The following TNS3 variants were observed in gnomAD, a reference collection of about 807,000 sequenced individuals.
TNS3 encodes tensin-3.
TNS3 carries 45 observed loss-of-function variants against 140.9 expected under a neutral mutation model. The observed-to-expected ratio is 0.32, with a 90% CI of 0.25 to 0.41. TNS3 has a LOEUF of 0.41. Among genes scored for constraint, TNS3 ranks in the 10% least tolerant of loss-of-function variants. TNS3 has a pLI of 1.00. For missense variants in TNS3, 1,716 were observed against 1,906.7 expected (o/e 0.90, Z 1.86); for synonymous variants, 815 against 788.4 (o/e 1.03, Z -0.56).
chr7:47,372,002 T>A (rs567240774), intron 16 of TNS3, among the ~76,000 whole-genome samples: 27 of 152,358 alleles, frequency 1.8e-4, no homozygotes, highest in African/African-American at 6.5e-4. Context: ...AGGCCCTGAG[T>A]AAACATCAAT....
intron 1 of TNS3, among the ~76,000 whole-genome samples, chr7:47,576,716 C>T (rs904443521): frequency 1.3e-5 from 2 of 152,236 alleles, no homozygotes; most frequent in Admixed American, 1.3e-4. Context: ...GCCCGCCTGC[C>T]CTGCACAGCC....
intron 16 of TNS3, among the ~76,000 whole-genome samples, chr7:47,380,896 C>A (rs920721704): frequency 9.2e-5 from 14 of 152,330 alleles, no homozygotes; most frequent in African/African-American, 3.4e-4. Context: ...CAGTGGCATG[C>A]CAGAGGAGGG....
intron 27 of TNS3, among the ~76,000 whole-genome samples, chr7:47,285,183 G>A (rs1323686909): frequency 6.6e-6 from 1 of 152,208 alleles, no homozygotes; most frequent in Non-Finnish European, 1.5e-5. Context: ...AGGGTGACTT[G>A]TGAGTTGCTG....
At chr7:47,427,161 G>C (rs151021373) in intron 9 of TNS3, among the ~76,000 whole-genome samples, 3 of 150,216 alleles carry the variant, frequency 2.0e-5, no homozygotes, top group African/African-American at 7.3e-5. Context: ...GTGCTCAGGT[G>C]GTCTCTGTCC....
At chr7:47,284,571 T>C (rs1285572812) in intron 27 of TNS3, among the ~76,000 whole-genome samples, 2 of 152,184 alleles carry the variant, frequency 1.3e-5, no homozygotes, top group Admixed American at 1.3e-4. Context: ...CGTGTGACTT[T>C]GGGGCATGGG....
intron 26 of TNS3, among the ~76,000 whole-genome samples, chr7:47,292,259 G>A (rs533190841): frequency 1.3e-5 from 2 of 152,228 alleles, no homozygotes; most frequent in East Asian, 1.9e-4. Context: ...TCTAATCACC[G>A]AATTAGTCAT....
chr7:47,402,305 G>A (rs1234578706), intron 13 of TNS3, among the ~76,000 whole-genome samples: 1 of 152,200 alleles, frequency 6.6e-6, no homozygotes, highest in Non-Finnish European at 1.5e-5. Context: ...TCCCTTGTAC[G>A]GCCTGGCGCT....
rs529197198 is a variant in TNS3 at position 47,449,308 on chromosome 7, G to A, written c.-75-7253C>T. Among the ~76,000 whole-genome samples, 107 of 152,324 alleles carry A rather than the reference G, an allele frequency of 7.0e-4. 2 individuals are homozygous for A. Among genetic ancestry groups the A allele is most frequent in the African/African-American group, 2.5e-3 (105 of 41,580 alleles). ...TTCACTGACGTCCCATTGCCATGGGGTGAAAGGCAGGTGCTCAGCCTGGTC... is the reference window on the plus strand; with the variant it reads ...TTCACTGACGTCCCATTGCCATGGGATGAAAGGCAGGTGCTCAGCCTGGTC... On this transcript the variant is annotated intron_variant, in intron 4 of 30. Transcript: ENST00000311160.
At chr7:47,439,068 G>A (rs1795330966) in intron 6 of TNS3, among the ~76,000 whole-genome samples, 1 of 152,220 alleles carries the variant, frequency 6.6e-6, no homozygotes, top group Non-Finnish European at 1.5e-5. Context: ...TGTCTCCAGG[G>A]CAGCCCCTGG....
chr7:47,415,655 TG>T (rs2151432129), intron 10 of TNS3, among the ~76,000 whole-genome samples: 1 of 152,376 alleles, frequency 6.6e-6, no homozygotes, highest in Non-Finnish European at 1.5e-5. Context: ...TGCTGCTTTC[TG>T]CTCATACTCG....
intron 28 of TNS3, among the ~76,000 whole-genome samples, chr7:47,281,508 A>G (rs917081588): frequency 1.3e-5 from 2 of 152,238 alleles, no homozygotes; most frequent in East Asian, 1.9e-4. Context: ...GGGCAGAGGC[A>G]GAGCCTGGGT....
At chr7:47,394,640 G>C (rs963302542) in intron 16 of TNS3, among the ~76,000 whole-genome samples, 2 of 152,238 alleles carry the variant, frequency 1.3e-5, no homozygotes, top group African/African-American at 4.8e-5. Flanking sequence ...AGTGATAACG[G>C]CAAGTCCTCC....
At chr7:47,425,077 G>A (rs1488826414) in intron 9 of TNS3, among the ~76,000 whole-genome samples, 2 of 152,218 alleles carry the variant, frequency 1.3e-5, no homozygotes, top group African/African-American at 4.8e-5. Flanking sequence ...CCAGCACTTT[G>A]GGAGGCCAAG....
chr7:47,492,598 C>T (rs192084335), intron 3 of TNS3, among the ~76,000 whole-genome samples: 18 of 152,348 alleles, frequency 1.2e-4, no homozygotes, highest in Middle Eastern at 3.4e-3. Context: ...AGGAGACACA[C>T]AAATAAGATG....
intron 1 of TNS3, among the ~76,000 whole-genome samples, chr7:47,533,365 C>A (rs1335756570): frequency 3.3e-5 from 5 of 149,852 alleles, no homozygotes; most frequent in African/African-American, 1.2e-4. Context: ...CTCCTGACCT[C>A]GTGATCCATC....
intron 30 of TNS3, 162 bp from the exon 31 acceptor site, chr7:47,278,382 A>C: frequency 1.4e-6 from 1 of 725,272 alleles, no homozygotes; most frequent in Non-Finnish European, 2.2e-6. Flanking sequence ...CATGCACTTT[A>C]CCTCCAGCCT....
In TNS3 at chr7:47,369,121, G is replaced by T; in HGVS notation, c.1525C>A (p.Pro509Thr). The change falls in exon 17 of 31, where the codon CCC (proline) becomes ACC (threonine). Residue 509 changes from proline (P) to threonine (T), a missense_variant. By Grantham distance (38) the Pro-to-Thr change is conservative. Coordinates refer to ENST00000311160, the MANE Select transcript of TNS3 (RefSeq NM_022748.12). ...TGGCTGCTCTTGTGGCAGGTGAAGGGACCCAGGTGGGCCGACTGAGGCCCT... is the reference window on the plus strand; with the variant it reads ...TGGCTGCTCTTGTGGCAGGTGAAGGTACCCAGGTGGGCCGACTGAGGCCCT... ...SEGPQSAHLG[P>T]FTCHKSSQNS... 1 of 1,613,860 alleles carries T rather than the reference G, an allele frequency of 6.2e-7. No individual in the cohort carries two copies. Among genetic ancestry groups the T allele is most frequent in the Admixed American group, 1.7e-5 (1 of 60,030 alleles).
intron 1 of TNS3, among the ~76,000 whole-genome samples, chr7:47,553,459 T>C (rs1338449010): frequency 6.6e-6 from 1 of 152,220 alleles, no homozygotes; most frequent in Non-Finnish European, 1.5e-5. Context: ...ATTCTGAAGA[T>C]TCCAGAGTCC....
Position 47,458,990 on chromosome 7 carries a change from C to T in TNS3, c.-75-16935G>A, listed in dbSNP as rs565948032. ...GATAGGATGGACCCCTAAATAAGTA[C>T]GGGCGACTTTCTTCCGCCCATACTT... is the stretch of plus-strand genomic sequence containing the variant. On this transcript the variant is annotated intron_variant, in intron 4 of 30. Coordinates refer to ENST00000311160, the MANE Select transcript of TNS3 (RefSeq NM_022748.12). 2.6e-5 allele frequency among the ~76,000 whole-genome samples: 4 copies of T among 152,170 alleles called. No homozygotes were observed. The East Asian group carries it at 5.8e-4, about 22-fold the overall frequency.
Sources: gnomAD v4.1 joint callset for allele counts (sites outside exome capture counted in the v4.1 genomes callset) on GRCh38, gnomAD v4.1.1 for gene constraint, MANE v1.5 for transcripts, NCBI Gene and HGNC (gene_info 2026-07-23, HGNC 2026-07-21) for gene names.